Variants in DENND5A observed in about 807,000 individuals in gnomAD.
DENND5A encodes the protein DENN domain containing 5A.
A neutral mutation model predicts 140.3 loss-of-function variants in DENND5A; 64 were observed. That is an observed-to-expected ratio of 0.46 (90% CI 0.37 to 0.56). The LOEUF (loss-of-function observed/expected upper bound fraction) is 0.56. Among genes scored for constraint, DENND5A ranks in the 20% least tolerant of loss-of-function variants. The pLI, the probability that DENND5A is intolerant of heterozygous loss-of-function variation, is 0.00. For missense variants in DENND5A, 1,292 were observed against 1,593.8 expected, an observed-to-expected ratio of 0.81 and a Z score of 3.22; for synonymous variants, 605 against 607.7, an observed-to-expected ratio of 1.00 and a Z score of 0.07.
At chr11:9,209,518 G>A (rs958638612) in intron 1 of DENND5A, among the ~76,000 whole-genome samples, 2 of 152,142 alleles carry the variant, frequency 1.3e-5, no homozygotes, top group African/African-American at 4.8e-5. Flanking sequence ...ATTAGCTAAG[G>A]GAAGAAGTCT....
intron 12 of DENND5A, among the ~76,000 whole-genome samples, chr11:9,159,249 G>A (rs1847900880): frequency 6.6e-6 from 1 of 151,592 alleles, no homozygotes; most frequent in African/African-American, 2.4e-5. Context: ...CTCATCAGCT[G>A]ATAAATATCT....
chr11:9,222,039 G>A (rs1000441461), intron 1 of DENND5A, among the ~76,000 whole-genome samples: 3 of 152,194 alleles, frequency 2.0e-5, no homozygotes, highest in Non-Finnish European at 4.4e-5. Flanking sequence ...TTACAGGCGT[G>A]AGCCACTGCG....
chr11:9,142,758 G>A lies in DENND5A; in HGVS notation c.3475C>T (p.Arg1159Trp), dbSNP rs780628819. ...QAFQHGFKSP[R>W]LFKNVFIWDF... ...CAAATGAAGACATTTTTGAAGAGCC[G>A]GGGCGATTTAAATCCATGCTGGAAA... Residue 1159 changes from arginine to tryptophan, a missense_variant, in exon 21 of 23, where the codon CGG (arginine) becomes TGG (tryptophan). Transcript: ENST00000328194. 8.0e-5 allele frequency: 129 copies of A among 1,614,014 alleles called. No individual in the cohort carries two copies. Among genetic ancestry groups the A allele is most frequent in the Admixed American group, 2.5e-4 (15 of 59,992 alleles).
rs545905249 is a variant in DENND5A, at chr11:9,237,293, G to A, written c.109+27668C>T. On this transcript the variant is annotated intron_variant, in intron 1 of 22. Transcript: ENST00000328194. Reference sequence around the variant, plus strand: ...ATTAGCCAGGGGTGTGGTGGCACACGCCTGTAATCCCAGCTACTTGGGAGG... The same window carrying A: ...ATTAGCCAGGGGTGTGGTGGCACACACCTGTAATCCCAGCTACTTGGGAGG... Among the ~76,000 whole-genome samples the A allele has an allele frequency of 2.6e-5, 4 of 152,096 alleles. No individual in the cohort carries two copies. In the East Asian group the frequency reaches 5.8e-4, roughly 22 times the overall value.
At chr11:9,206,640 A>T (rs1481452790) in intron 3 of DENND5A, 33 bp downstream of exon 3, 1 of 1,438,014 alleles carries the variant, frequency 7.0e-7, no homozygotes. Flanking sequence ...TACTCTGTAA[A>T]TTATCTCATA....
At position 9,217,868 on chromosome 11, in the gene DENND5A, C is replaced by T. The variant is rs571133756; in HGVS notation, c.110-10236G>A. On this transcript the variant is annotated intron_variant, in intron 1 of 22. Transcript: ENST00000328194. ...GTCATTTCCAACAAAGTATCTTTTC[C>T]CACACACAAAAATTATTATCACAGA... Among the ~76,000 whole-genome samples, 3 of 152,202 alleles carry T rather than the reference C, an allele frequency of 2.0e-5. No homozygotes were observed. The South Asian group carries it at 6.2e-4, about 32-fold the overall frequency.
At chr11:9,203,637 G>A (rs1329187008) in intron 4 of DENND5A, 23 bp downstream of exon 4, 1 of 1,585,824 alleles carries the variant, frequency 6.3e-7, no homozygotes, top group Admixed American at 1.8e-5. Context: ...GCAGGCAGAA[G>A]GCTCTAGTAA....
rs560655076 is a variant in DENND5A, at chr11:9,228,713, C to T, written c.110-21081G>A. On this transcript the variant is annotated intron_variant, in intron 1 of 22. Coordinates refer to ENST00000328194, the MANE Select transcript of DENND5A (RefSeq NM_015213.4). Reference sequence around the variant, plus strand: ...CAGCCTGGGCAGCAGAGTGAGACACCGTCTCAAAAAAAAAAAAAACATAAA... The same window carrying T: ...CAGCCTGGGCAGCAGAGTGAGACACTGTCTCAAAAAAAAAAAAAACATAAA... 2.5e-3 allele frequency among the ~76,000 whole-genome samples: 323 copies of T among 127,226 alleles called. 1 individual carries two copies. Among genetic ancestry groups the T allele is most frequent in the African/African-American group, 9.5e-3 (309 of 32,518 alleles). 83.5% of individuals were successfully genotyped at this position (127,226 alleles called of 152,430 possible). A position where few individuals can be genotyped will look rare whatever the true frequency, so the allele number is the denominator to read the frequency against.
At chr11:9,148,709 G>A (rs1453455372) in intron 15 of DENND5A, among the ~76,000 whole-genome samples, 1 of 152,210 alleles carries the variant, frequency 6.6e-6, no homozygotes, top group Admixed American at 6.5e-5. Context: ...AAAAATCTGA[G>A]AGTAAAGTAG....
chr11:9,176,289 A>G (rs2136168569), intron 8 of DENND5A, among the ~76,000 whole-genome samples: 1 of 152,380 alleles, frequency 6.6e-6, no homozygotes. Context: ...TCATCTGGCA[A>G]ATATTTCTTG....
chr11:9,200,736 T>TTC (rs1849493856), intron 4 of DENND5A, among the ~76,000 whole-genome samples: 1 of 152,230 alleles, frequency 6.6e-6, no homozygotes, highest in South Asian at 2.1e-4. Context: ...ATCTCCTTAG[T>TTC]TCTAACTGAC....
intron 12 of DENND5A, among the ~76,000 whole-genome samples, chr11:9,159,628 AT>A (rs1427522501): frequency 1.7e-4 from 26 of 152,180 alleles, no homozygotes; most frequent in African/African-American, 6.0e-4. Flanking sequence ...TGCTATGAAC[AT>A]TTGTATACAA....
At chr11:9,254,891 T>TG (rs1851878953) in intron 1 of DENND5A, among the ~76,000 whole-genome samples, 1 of 151,740 alleles carries the variant, frequency 6.6e-6, no homozygotes. Context: ...GGCAACATGG[T>TG]GAAACCCCAT....
At chr11:9,249,111 C>T (rs1386758093) in intron 1 of DENND5A, among the ~76,000 whole-genome samples, 1 of 151,714 alleles carries the variant, frequency 6.6e-6, no homozygotes, top group Non-Finnish European at 1.5e-5. Flanking sequence ...GCCTGTAGTC[C>T]CAGTTACTCA....
rs138066276 is a variant in DENND5A, at chr11:9,147,838, C to T, written c.2736-687G>A. On this transcript the variant is annotated intron_variant, in intron 15 of 22. Transcript: ENST00000328194. Reference sequence around the variant, plus strand: ...AGCTTCAAAGCAATGATATCTTCCCCCAAATAGAGGAGACACCCAGAGCCA... The same window carrying T: ...AGCTTCAAAGCAATGATATCTTCCCTCAAATAGAGGAGACACCCAGAGCCA... Among the ~76,000 whole-genome samples, 888 of 152,278 alleles carry T rather than the reference C, an allele frequency of 5.8e-3. 8 individuals carry two copies. The highest frequency in any genetic ancestry group is 0.02 in the African/African-American group (841 of 41,544).
intron 1 of DENND5A, among the ~76,000 whole-genome samples, chr11:9,232,718 A>G (rs1850824477): frequency 6.6e-6 from 1 of 152,150 alleles, no homozygotes; most frequent in African/African-American, 2.4e-5. Context: ...TCCACTCCTG[A>G]GCATATACCC....
chr11:9,145,607 C>G, intron 17 of DENND5A, 63 bp downstream of exon 17: 1 of 1,583,716 alleles, frequency 6.3e-7, no homozygotes, highest in Non-Finnish European at 8.6e-7. Context: ...CTGCAGAAAA[C>G]TCCCCAAAGC....
chr11:9,150,651 T>C (rs1406051672), intron 14 of DENND5A, 29 bp downstream of exon 14: 1 of 1,532,978 alleles, frequency 6.5e-7, no homozygotes, highest in African/African-American at 1.4e-5. Context: ...AGGATTTTAG[T>C]GGCTTATTAC....
rs1034727384 is a variant in DENND5A, at chr11:9,230,389, C to T, written c.110-22757G>A. ...CCAAGTAGCTGGGACTATAGGTATG[C>T]TCCACCACGCCAGGCTAATTTTTAA... On this transcript the variant is annotated intron_variant, in intron 1 of 22. Coordinates refer to ENST00000328194, the MANE Select transcript of DENND5A (RefSeq NM_015213.4). 2.6e-5 allele frequency among the ~76,000 whole-genome samples: 4 copies of T among 151,600 alleles called. No individual in the cohort carries two copies. The East Asian group carries it at 5.8e-4, about 22-fold the overall frequency.
Sources: allele counts gnomAD v4.1 joint callset (sites outside exome capture counted in the v4.1 genomes callset), GRCh38; gene constraint gnomAD v4.1.1; transcripts MANE v1.5; gene names NCBI Gene and HGNC (gene_info 2026-07-23, HGNC 2026-07-21).